MNAT1: variants seen among roughly 807,000 people sequenced by gnomAD.
MNAT1 encodes the protein MNAT1 component of CDK activating kinase.
MNAT1 carries 43 observed loss-of-function variants against 42.0 expected under a neutral mutation model. That is an observed-to-expected ratio of 1.02 (90% CI 0.80 to 1.32). The LOEUF (loss-of-function observed/expected upper bound fraction) is 1.32. Ranked by LOEUF, MNAT1 falls within the 40% of genes most tolerant of loss-of-function variation. The probability of loss-of-function intolerance (pLI) is 0.00; values close to 1 mark genes in which losing one functional copy is unlikely to be tolerated. For synonymous variants in MNAT1, 118 were observed against 120.0 expected (o/e 0.98, Z 0.11); for missense variants, 306 against 350.4 (o/e 0.87, Z 1.01).
intron 1 of MNAT1, among the ~76,000 whole-genome samples, chr14:60,752,446 A>T (rs2030136422): frequency 6.6e-6 from 1 of 152,222 alleles, no homozygotes; most frequent in South Asian, 2.1e-4. Flanking sequence ...AGATAATATT[A>T]AAAAATGTTT....
At chr14:60,942,721 G>A (rs767492670) in intron 7 of MNAT1, among the ~76,000 whole-genome samples, 1 of 151,986 alleles carries the variant, frequency 6.6e-6, no homozygotes, top group Non-Finnish European at 1.5e-5. Flanking sequence ...TGCAATATAA[G>A]AAATGACCAC....
Position 60,734,802 on chromosome 14 carries a change from G to T in MNAT1, c.-61G>T, listed in dbSNP as rs1896255166. On this transcript the variant is annotated 5_prime_UTR_variant, in exon 1 of 8. Coordinates refer to ENST00000261245, the MANE Select transcript of MNAT1 (RefSeq NM_002431.4). This position sits in a 1 kb window ranked among gnomAD's most constrained non-coding sequence, Gnocchi z 4.3. ...GAACCTGCTTGGTCGCGTCTGAGGG[G>T]GCTTGTAGGTGGCTCTGGCTGAAAC... The T allele has an allele frequency of 7.9e-6, 12 of 1,519,896 alleles. No individual in the cohort carries two copies. The highest frequency in any genetic ancestry group is 1.7e-5 in the Admixed American group (1 of 59,228). 94.2% of individuals were successfully genotyped at this position (1,519,896 alleles called of 1,614,324 possible). A position where few individuals can be genotyped will look rare whatever the true frequency, so the allele number is the denominator to read the frequency against.
rs139489898 is a variant in MNAT1 at position 60,774,062 on chromosome 14, G to T, written c.90-22155G>T. On this transcript the variant is annotated intron_variant, in intron 1 of 7. Transcript: ENST00000261245. The stretch of plus-strand genomic sequence containing the variant: ...ATAACAGGGTCATCAATTTTAGATT[G>T]GATGGTAAAAAAGTCCTCTTTAAGG... 1.2e-3 allele frequency among the ~76,000 whole-genome samples: 190 copies of T among 152,252 alleles called. 1 individual carries two copies. The highest frequency in any genetic ancestry group is 4.4e-3 in the African/African-American group (181 of 41,542).
intron 4 of MNAT1, among the ~76,000 whole-genome samples, chr14:60,810,837 T>G (rs2032519886): frequency 1.3e-5 from 2 of 152,282 alleles, no homozygotes; most frequent in South Asian, 2.1e-4. Flanking sequence ...TTGAGTAGAA[T>G]GTTCTGTATA....
intron 3 of MNAT1, among the ~76,000 whole-genome samples, chr14:60,801,532 T>C (rs929927708): frequency 6.6e-6 from 1 of 152,202 alleles, no homozygotes; most frequent in Non-Finnish European, 1.5e-5. Context: ...GCAAAGGACC[T>C]GAATAGACAT....
chr14:60,962,052 C>T (rs964558390), intron 7 of MNAT1, among the ~76,000 whole-genome samples: 1 of 152,092 alleles, frequency 6.6e-6, no homozygotes, highest in African/African-American at 2.4e-5. Context: ...GCTCATATTA[C>T]TTGCTATTTT....
rs1289516986 is a variant in MNAT1, at chr14:60,884,794, T to C, written c.809+4959T>C. On this transcript the variant is annotated intron_variant, in intron 7 of 7. Coordinates refer to ENST00000261245, the MANE Select transcript of MNAT1 (RefSeq NM_002431.4). ...TGTACTTACCATTACCAGTGAATTT[T>C]GTACCTTCAGGTGACTTCATATTGC... Among the ~76,000 whole-genome samples the C allele has an allele frequency of 2.6e-5, 4 of 152,084 alleles. No homozygotes were observed. The East Asian group carries it at 7.7e-4, about 29-fold the overall frequency.
intron 1 of MNAT1, among the ~76,000 whole-genome samples, chr14:60,778,065 A>T (rs1476799060): frequency 1.3e-5 from 2 of 152,138 alleles, no homozygotes; most frequent in South Asian, 4.1e-4. Context: ...TGATTCTTTT[A>T]AGATTCTGAG....
intron 6 of MNAT1, among the ~76,000 whole-genome samples, chr14:60,842,417 C>G (rs2033576783): frequency 6.6e-6 from 1 of 152,112 alleles, no homozygotes; most frequent in African/African-American, 2.4e-5. Context: ...GTATTATAGC[C>G]TGGAAATGGC....
intron 7 of MNAT1, among the ~76,000 whole-genome samples, chr14:60,900,228 A>T (rs2035046841): frequency 6.6e-6 from 1 of 152,228 alleles, no homozygotes; most frequent in African/African-American, 2.4e-5. Flanking sequence ...GATTAAGCTT[A>T]GTGAGCAAGA....
intron 1 of MNAT1, among the ~76,000 whole-genome samples, chr14:60,776,672 T>A (rs145614304): frequency 6.6e-6 from 1 of 152,002 alleles, no homozygotes; most frequent in Non-Finnish European, 1.5e-5. Context: ...GCAATATGAG[T>A]ATGTATTACG....
chr14:60,924,655 A>G (rs1314887181), intron 7 of MNAT1, among the ~76,000 whole-genome samples: 1 of 152,164 alleles, frequency 6.6e-6, no homozygotes, highest in Non-Finnish European at 1.5e-5. Context: ...AAAATAAAAT[A>G]CTAAACCCAT....
chr14:60,879,983 T>C, intron 7 of MNAT1, 148 bp downstream of exon 7: 1 of 702,326 alleles, frequency 1.4e-6, no homozygotes, highest in Admixed American at 3.8e-5. Context: ...CAAATTGTTT[T>C]ATTTAGTACA....
chr14:60,926,054 G>A (rs2035757674), intron 7 of MNAT1, among the ~76,000 whole-genome samples: 1 of 152,114 alleles, frequency 6.6e-6, no homozygotes, highest in African/African-American at 2.4e-5. Flanking sequence ...TCACAATACT[G>A]TTCATTTGGC....
chr14:60,934,470 G>A (rs1487423897), intron 7 of MNAT1, among the ~76,000 whole-genome samples: 1 of 152,122 alleles, frequency 6.6e-6, no homozygotes, highest in Non-Finnish European at 1.5e-5. Flanking sequence ...CCCAGTAGGA[G>A]GTAATTGAAT....
At chr14:60,934,205 T>C (rs1277607939) in intron 7 of MNAT1, among the ~76,000 whole-genome samples, 2 of 152,216 alleles carry the variant, frequency 1.3e-5, no homozygotes, top group African/African-American at 4.8e-5. Flanking sequence ...TCCTAAAGAA[T>C]ATACAGTGAT....
chr14:60,754,261 TAAAAC>T, intron 1 of MNAT1, among the ~76,000 whole-genome samples: 1 of 152,224 alleles, frequency 6.6e-6, no homozygotes, highest in Admixed American at 6.5e-5. Flanking sequence ...TCATCTTTAT[TAAAAC>T]AAAAGGCACA....
intron 1 of MNAT1, among the ~76,000 whole-genome samples, chr14:60,749,024 G>A (rs1450361392): frequency 2.0e-5 from 3 of 152,190 alleles, no homozygotes; most frequent in Non-Finnish European, 4.4e-5. Flanking sequence ...GAAGTCATTA[G>A]GTGATAGGAA....
chr14:60,913,629 C>G (rs1039259632), intron 7 of MNAT1, among the ~76,000 whole-genome samples: 4 of 152,164 alleles, frequency 2.6e-5, no homozygotes, highest in African/African-American at 9.7e-5. Flanking sequence ...GCAGGGGAGG[C>G]TGCAGAACAG....
Sources: gnomAD v4.1 joint callset for allele counts (sites outside exome capture counted in the v4.1 genomes callset) on GRCh38, gnomAD v4.1.1 for gene constraint, Gnocchi (gnomAD v3.1) non-coding constraint, MANE v1.5 for transcripts, NCBI Gene and HGNC (gene_info 2026-07-23, HGNC 2026-07-21) for gene names.